The following PDXDC1 variants were observed in gnomAD, a reference collection of about 807,000 sequenced individuals.
PDXDC1 encodes pyridoxal-dependent decarboxylase domain-containing protein 1.
A neutral mutation model predicts 100.1 loss-of-function variants in PDXDC1; 42 were observed. That is an observed-to-expected ratio of 0.42 (90% CI 0.33 to 0.54). The LOEUF is 0.54. Among genes scored for constraint, PDXDC1 ranks in the 20% least tolerant of loss-of-function variants. The pLI is 0.10. For synonymous variants in PDXDC1, 260 were observed against 371.7 expected, an observed-to-expected ratio of 0.70 and a Z score of 3.46; for missense variants, 636 against 979.2, an observed-to-expected ratio of 0.65 and a Z score of 4.68.
At chr16:15,063,594 G>C (rs1451770953) in intron 16 of PDXDC1, among the ~76,000 whole-genome samples, 1 of 150,664 alleles carries the variant, frequency 6.6e-6, no homozygotes, top group Non-Finnish European at 1.5e-5. Flanking sequence ...TGTAGTCCCA[G>C]CTACTCGGGA....
chr16:15,130,406 G>A lies in PDXDC1; in HGVS notation c.1400-8473G>A, dbSNP rs758718441. On this transcript the variant is annotated intron_variant, in intron 16 of 16. Transcript: ENST00000535621. ...CGGACACCTCCAGCGCCGACAGGCG[G>A]AAGTGGCTGGAGAGGTTCAGACGGT... The A allele has an allele frequency of 1.1e-5, 17 of 1,565,848 alleles. 1 individual carries two copies. In the Middle Eastern group the frequency reaches 6.8e-4, roughly 62 times the overall value.
rs868082357 is a variant in PDXDC1, at chr16:15,108,222, G to C, written c.1400-30657G>C. 25 of 826,430 alleles carry C rather than the reference G, an allele frequency of 3.0e-5. 1 individual carries two copies. Among genetic ancestry groups the C allele is most frequent in the Non-Finnish European group, 3.2e-5 (22 of 684,186 alleles). 51.2% of individuals were successfully genotyped at this position (826,430 alleles called of 1,614,324 possible). On this transcript the variant is annotated intron_variant, in intron 16 of 16. Coordinates refer to the PDXDC1 transcript ENST00000535621. ...ATGGCCTCAAAAGGGTAAGTTTGCT[G>C]TGTTGCCCTCACACCACTTGATTCA...
At chr16:14,993,928 G>T (rs1971422457) in intron 1 of PDXDC1, among the ~76,000 whole-genome samples, 1 of 152,286 alleles carries the variant, frequency 6.6e-6, no homozygotes, top group Non-Finnish European at 1.5e-5. Flanking sequence ...TCTTTTGGCT[G>T]CATAAATGTC....
intron 16 of PDXDC1, among the ~76,000 whole-genome samples, chr16:15,105,284 AC>A (rs1194823789): frequency 2.2e-4 from 21 of 96,470 alleles, no homozygotes; most frequent in Non-Finnish European, 3.6e-4. Context: ...CAGTGTGACC[AC>A]CCTGCTCCAA....
chr16:14,991,526 A>ATTTTTTTTTTTT (rs1168644641), intron 1 of PDXDC1, among the ~76,000 whole-genome samples: 1 of 136,454 alleles, frequency 7.3e-6, no homozygotes, highest in African/African-American at 2.7e-5. Context: ...TATTTTGTCT[A>ATTTTTTTTTTTT]TTTTTTTTTT....
At chr16:15,147,062 C>A in the PDXDC1 span, among the ~76,000 whole-genome samples, 1 of 151,012 alleles carries the variant, frequency 6.6e-6, no homozygotes, top group African/African-American at 2.4e-5. Flanking sequence ...GGAAGGGACA[C>A]AGCAGGGATG....
chr16:15,049,910 T>C (rs915391012), intron 16 of PDXDC1, among the ~76,000 whole-genome samples: 2 of 152,206 alleles, frequency 1.3e-5, no homozygotes, highest in African/African-American at 4.8e-5. Context: ...TAAAGAGCTA[T>C]AAATGTGCCA....
intron 16 of PDXDC1, chr16:15,047,326 C>G (rs760105095): frequency 2.3e-5 from 17 of 723,796 alleles, no homozygotes; most frequent in Non-Finnish European, 4.2e-5. Flanking sequence ...TCCAGGGGAA[C>G]GAGGCAGACA....
chr16:15,128,184 G>T, intron 16 of PDXDC1: 1 of 1,609,872 alleles, frequency 6.2e-7, no homozygotes, highest in African/African-American at 1.3e-5. Context: ...CCCCAACGCG[G>T]GGGCAGAGGG....
intron 8 of PDXDC1, among the ~76,000 whole-genome samples, chr16:15,015,502 G>A (rs1388075265): frequency 6.6e-6 from 1 of 152,124 alleles, no homozygotes; most frequent in Non-Finnish European, 1.5e-5. Context: ...GGATCACGAG[G>A]TCAGGAGTTC....
At position 15,033,365 on chromosome 16, in the gene PDXDC1, C is replaced by T. The variant is rs1032524704; in HGVS notation, c.1778C>T (p.Ala593Val). 4.3e-6 allele frequency: 7 copies of T among 1,613,978 alleles called. No homozygotes were observed. Among genetic ancestry groups the T allele is most frequent in the Admixed American group, 3.3e-5 (2 of 60,012 alleles). The change falls in exon 19 of 23, where the codon GCG becomes GTG. Residue 593 changes from alanine to valine, a missense_variant. Coordinates refer to ENST00000396410, the MANE Select transcript of PDXDC1 (RefSeq NM_015027.4). ...VDAAELVETI[A>V]ATAREIEENS... ...GCTGCTGAGCTCGTGGAGACCATTG[C>T]GGCCACAGCCCGGGAGATAGAGGAG...
At chr16:14,991,264 GATA>G (rs1970723626) in intron 1 of PDXDC1, among the ~76,000 whole-genome samples, 2 of 140,464 alleles carry the variant, frequency 1.4e-5, no homozygotes, top group African/African-American at 5.3e-5. Flanking sequence ...TATGTATATA[GATA>G]TGTGTGTGTG....
At chr16:15,047,743 G>A (rs1384268194) in intron 16 of PDXDC1, 30 of 1,013,894 alleles carry the variant, frequency 3.0e-5, no homozygotes, top group Non-Finnish European at 7.8e-6. Flanking sequence ...CAGAAAAAAG[G>A]TAAGCGGAGT....
intron 16 of PDXDC1, among the ~76,000 whole-genome samples, chr16:15,097,701 C>T (rs577669306): frequency 2.0e-5 from 3 of 151,682 alleles, no homozygotes; most frequent in Admixed American, 1.3e-4. Flanking sequence ...TTTAAGAAGC[C>T]GAACATTAAC....
intron 1 of PDXDC1, among the ~76,000 whole-genome samples, chr16:14,977,630 C>G (rs1263560787): frequency 6.6e-6 from 1 of 152,270 alleles, no homozygotes; most frequent in African/African-American, 2.4e-5. Flanking sequence ...ATGGAATAAA[C>G]GATTTATATT....
chr16:15,084,383 T>C (rs2045831066), intron 16 of PDXDC1, among the ~76,000 whole-genome samples: 1 of 152,158 alleles, frequency 6.6e-6, no homozygotes, highest in Non-Finnish European at 1.5e-5. Context: ...AGCATATCTG[T>C]TGAAGATAAA....
At chr16:15,009,438 A>G (rs2041072376) in intron 7 of PDXDC1, 1 of 642,230 alleles carries the variant, frequency 1.6e-6, no homozygotes, top group Non-Finnish European at 2.5e-6. Context: ...TTTAAAATCA[A>G]AGAAATGTTC....
downstream of PDXDC1, among the ~76,000 whole-genome samples, chr16:15,140,464 A>G (rs1030409892): frequency 4.4e-4 from 66 of 151,620 alleles, no homozygotes; most frequent in African/African-American, 1.2e-3. Context: ...AAAAAAAAAA[A>G]AAAGAAAAAG....
chr16:15,022,048 G>A (rs910722293), intron 12 of PDXDC1, among the ~76,000 whole-genome samples: 6 of 152,282 alleles, frequency 3.9e-5, no homozygotes, highest in Non-Finnish European at 4.4e-5. Flanking sequence ...AGTACTCAGT[G>A]AATATCTGTT....
Sources: allele counts gnomAD v4.1 joint callset (sites outside exome capture counted in the v4.1 genomes callset), GRCh38; gene constraint gnomAD v4.1.1; transcripts MANE v1.5; gene names NCBI Gene and HGNC (gene_info 2026-07-23, HGNC 2026-07-21).